The following PPP2R2A variants were observed in gnomAD, a reference collection of about 807,000 sequenced individuals.
PPP2R2A encodes the protein protein phosphatase 2 regulatory subunit Balpha, also known as serine/threonine-protein phosphatase 2A 55 kDa regulatory subunit B alpha isoform.
A neutral mutation model predicts 53.2 loss-of-function variants in PPP2R2A; 9 were observed. The observed-to-expected ratio is 0.17, with a 90% CI of 0.10 to 0.30. The LOEUF (loss-of-function observed/expected upper bound fraction) is 0.30, where lower values mean the gene tolerates loss of function less well. Among genes scored for constraint, PPP2R2A ranks in the 10% least tolerant of loss-of-function variants. The probability of loss-of-function intolerance (pLI) is 1.00; values close to 1 mark genes in which losing one functional copy is unlikely to be tolerated. For synonymous variants in PPP2R2A, 169 were observed against 174.2 expected (o/e 0.97, Z 0.23); for missense variants, 235 against 534.6 (o/e 0.44, Z 5.53).
At chr8:26,334,377 T>A (rs1283435294) in intron 2 of PPP2R2A, among the ~76,000 whole-genome samples, 1 of 152,212 alleles carries the variant, frequency 6.6e-6, no homozygotes, top group Non-Finnish European at 1.5e-5. Context: ...TTTTTGCTTT[T>A]AAAAAACATG....
intron 2 of PPP2R2A, among the ~76,000 whole-genome samples, chr8:26,330,966 T>G (rs1424398188): frequency 1.3e-5 from 2 of 152,218 alleles, no homozygotes; most frequent in Non-Finnish European, 2.9e-5. Flanking sequence ...GGTGTGACAC[T>G]CTTGTGAGAA....
At chr8:26,363,456 G>C (rs1805219539) in intron 7 of PPP2R2A, 1 of 284,646 alleles carries the variant, frequency 3.5e-6, no homozygotes, top group Admixed American at 4.9e-5. Flanking sequence ...GTGCACTGAA[G>C]TCAGAAGTCC....
intron 2 of PPP2R2A, among the ~76,000 whole-genome samples, chr8:26,325,236 T>TG (rs995801972): frequency 1.3e-4 from 20 of 151,810 alleles, no homozygotes; most frequent in Non-Finnish European, 1.5e-4. Context: ...GGTGGACCCA[T>TG]GGGGGGGTAA....
At chr8:26,361,360 T>G (rs1363712781) in intron 6 of PPP2R2A, among the ~76,000 whole-genome samples, 1 of 152,246 alleles carries the variant, frequency 6.6e-6, no homozygotes, top group Admixed American at 6.5e-5. Flanking sequence ...TGATTTAAAA[T>G]TGGATTCATG....
chr8:26,364,102 G>A (rs1563326517), intron 8 of PPP2R2A, among the ~76,000 whole-genome samples: 1 of 152,076 alleles, frequency 6.6e-6, no homozygotes, highest in Non-Finnish European at 1.5e-5. Context: ...TGCAGTTAAA[G>A]TGTGATTTTG....
At chr8:26,291,849 C>T (rs1563276324) in intron 1 of PPP2R2A, 23 bp downstream of exon 1, 4 of 1,608,326 alleles carry the variant, frequency 2.5e-6, no homozygotes, top group Non-Finnish European at 3.4e-6. Context: ...TCCCCCTCGC[C>T]CCCTGACAAG....
chr8:26,329,776 T>G (rs1379189953), intron 2 of PPP2R2A, among the ~76,000 whole-genome samples: 2 of 152,246 alleles, frequency 1.3e-5, no homozygotes, highest in Non-Finnish European at 2.9e-5. Flanking sequence ...CCACGACTTT[T>G]AGTACTAAAG....
At chr8:26,353,524 A>G (rs977658414) in intron 3 of PPP2R2A, among the ~76,000 whole-genome samples, 4 of 152,232 alleles carry the variant, frequency 2.6e-5, no homozygotes, top group African/African-American at 7.2e-5. Context: ...TGTCAATAAT[A>G]TCTCATTCTA....
At chr8:26,319,821 T>G (rs1206023044) in intron 2 of PPP2R2A, among the ~76,000 whole-genome samples, 1 of 152,342 alleles carries the variant, frequency 6.6e-6, no homozygotes, top group East Asian at 1.9e-4. Flanking sequence ...TTTATTTATG[T>G]CTTTAATTTA....
chr8:26,328,877 ATC>A (rs1222520279), intron 2 of PPP2R2A, among the ~76,000 whole-genome samples: 1 of 152,192 alleles, frequency 6.6e-6, no homozygotes, highest in African/African-American at 2.4e-5. Flanking sequence ...TGTTATGATA[ATC>A]TCATTACTAC....
chr8:26,332,846 C>A (rs183013747), intron 2 of PPP2R2A, among the ~76,000 whole-genome samples: 5 of 152,282 alleles, frequency 3.3e-5, no homozygotes, highest in Admixed American at 3.3e-4. Flanking sequence ...TGAATACTTA[C>A]ACATTATCCC....
intron 2 of PPP2R2A, among the ~76,000 whole-genome samples, chr8:26,311,972 T>G (rs965799266): frequency 9.2e-5 from 14 of 152,190 alleles, no homozygotes; most frequent in Admixed American, 7.2e-4. Context: ...TAAAACACCC[T>G]GCTATTGGCT....
At chr8:26,305,220 T>A (rs1337027345) in intron 2 of PPP2R2A, among the ~76,000 whole-genome samples, 3 of 152,202 alleles carry the variant, frequency 2.0e-5, no homozygotes, top group Non-Finnish European at 4.4e-5. Context: ...TCATCCCTGT[T>A]GTAGTATGTG....
intron 2 of PPP2R2A, among the ~76,000 whole-genome samples, chr8:26,325,573 T>A (rs1435221389): frequency 2.0e-5 from 3 of 152,244 alleles, no homozygotes; most frequent in Admixed American, 6.5e-5. Flanking sequence ...ATTAATGATA[T>A]TAGGTGCATT....
chr8:26,350,159 C>T (rs1325986203), intron 3 of PPP2R2A, among the ~76,000 whole-genome samples: 1 of 152,098 alleles, frequency 6.6e-6, no homozygotes, highest in Non-Finnish European at 1.5e-5. Flanking sequence ...CTCCTCCTCC[C>T]ATCAAGTGAT....
intron 9 of PPP2R2A, among the ~76,000 whole-genome samples, chr8:26,369,393 ATT>A: frequency 7.0e-6 from 1 of 143,418 alleles, no homozygotes; most frequent in Admixed American, 7.0e-5. Flanking sequence ...CACCCAGCTA[ATT>A]TTTTTTTTTT....
At chr8:26,330,262 C>CT (rs774266588) in intron 2 of PPP2R2A, among the ~76,000 whole-genome samples, 1 of 148,868 alleles carries the variant, frequency 6.7e-6, no homozygotes, top group Non-Finnish European at 1.5e-5. Context: ...ACATTTTTGT[C>CT]TTTCGTCTTT....
chr8:26,322,357 G>T (rs188261831), intron 2 of PPP2R2A, among the ~76,000 whole-genome samples: 3 of 152,360 alleles, frequency 2.0e-5, no homozygotes, highest in African/African-American at 7.2e-5. Context: ...CAGGTGCTCA[G>T]TAGCTGTGTG....
intron 4 of PPP2R2A, among the ~76,000 whole-genome samples, chr8:26,357,133 T>TGGG (rs1468083422): frequency 1.3e-5 from 2 of 152,132 alleles, no homozygotes; most frequent in African/African-American, 4.8e-5. Context: ...GGGAAAAGGA[T>TGGG]GGGAGGAGTA....
Sources: allele counts gnomAD v4.1 joint callset (sites outside exome capture counted in the v4.1 genomes callset), GRCh38; gene constraint gnomAD v4.1.1; transcripts MANE v1.5; gene names NCBI Gene and HGNC (gene_info 2026-07-23, HGNC 2026-07-21).